Variants in RHOJ observed in about 807,000 individuals in gnomAD.
RHOJ encodes the protein rho-related GTP-binding protein RhoJ.
RHOJ carries 11 observed loss-of-function variants against 23.4 expected under a neutral mutation model. The ratio of observed to expected loss-of-function variants is 0.47; its 90% CI spans 0.30 to 0.78. RHOJ has a LOEUF of 0.78. Among genes scored for constraint, RHOJ ranks in the 30% least tolerant of loss-of-function variants. The pLI is 0.08. For missense variants in RHOJ, 254 were observed against 273.4 expected (o/e 0.93, Z 0.50); for synonymous variants, 102 against 102.7 (o/e 0.99, Z 0.04).
rs1262802663 is a variant in RHOJ at position 63,290,889 on chromosome 14, G to C, written c.510G>C (p.Gln170His). ...GVKLAKAIGAQCYLECSALTQ... is the reference protein window; with the variant it reads ...GVKLAKAIGAHCYLECSALTQ... ...CTTTTGTGTTTAAGATCGGAGCACAGTGCTACTTGGAATGTTCAGCTCTGA... is the reference window on the plus strand; with the variant it reads ...CTTTTGTGTTTAAGATCGGAGCACACTGCTACTTGGAATGTTCAGCTCTGA... The change falls in exon 5 of 5, where the codon CAG becomes CAC. Residue 170 changes from glutamine (Q) to histidine (H), a missense_variant. By Grantham distance (24) the Gln-to-His change is conservative (BLOSUM62 0). Coordinates refer to ENST00000316754, the MANE Select transcript of RHOJ (RefSeq NM_020663.5). 1 of 1,612,866 alleles carries C rather than the reference G, an allele frequency of 6.2e-7. No homozygotes were observed. The highest frequency in any genetic ancestry group is 8.5e-7 in the Non-Finnish European group (1 of 1,179,560).
chr14:63,207,714 G>A (rs954187031), intron 1 of RHOJ, among the ~76,000 whole-genome samples: 6 of 152,172 alleles, frequency 3.9e-5, no homozygotes, highest in East Asian at 3.9e-4. Flanking sequence ...CAGACAGCCC[G>A]GTTCTAATAC....
chr14:63,251,688 G>A (rs191536579), intron 1 of RHOJ, among the ~76,000 whole-genome samples: 1 of 152,236 alleles, frequency 6.6e-6, no homozygotes, highest in Non-Finnish European at 1.5e-5. Flanking sequence ...TACGTCAAGG[G>A]AAAGGAGGTC....
At chr14:63,290,160 T>C (rs893077105) in intron 4 of RHOJ, among the ~76,000 whole-genome samples, 1 of 152,160 alleles carries the variant, frequency 6.6e-6, no homozygotes, top group African/African-American at 2.4e-5. Flanking sequence ...GGAGAATCAC[T>C]TGAGCCCAGG....
chr14:63,277,223 T>C (rs1259840076), intron 2 of RHOJ, among the ~76,000 whole-genome samples: 2 of 152,202 alleles, frequency 1.3e-5, no homozygotes, highest in Admixed American at 1.3e-4. Context: ...TCCTCTTCTA[T>C]GAAATGTGAA....
At chr14:63,228,681 C>T (rs1894638926) in intron 1 of RHOJ, among the ~76,000 whole-genome samples, 1 of 151,054 alleles carries the variant, frequency 6.6e-6, no homozygotes, top group Non-Finnish European at 1.5e-5. Flanking sequence ...TGCACACACA[C>T]TTTAAAAATC....
At chr14:63,274,668 C>T (rs550553209) in intron 2 of RHOJ, among the ~76,000 whole-genome samples, 7 of 152,188 alleles carry the variant, frequency 4.6e-5, no homozygotes, top group African/African-American at 7.2e-5. Flanking sequence ...CAAATATTAA[C>T]GTATTTTATT....
At chr14:63,236,754 C>T (rs1894797160) in intron 1 of RHOJ, among the ~76,000 whole-genome samples, 1 of 149,182 alleles carries the variant, frequency 6.7e-6, no homozygotes, top group Non-Finnish European at 1.5e-5. Context: ...TTGAAACACA[C>T]ACACACACAC....
At chr14:63,277,642 T>C (rs928820044) in intron 2 of RHOJ, among the ~76,000 whole-genome samples, 1 of 152,200 alleles carries the variant, frequency 6.6e-6, no homozygotes, top group Non-Finnish European at 1.5e-5. Flanking sequence ...TAGCATTTAT[T>C]GAATATTTAC....
chr14:63,225,409 T>C (rs1427151070), intron 1 of RHOJ, among the ~76,000 whole-genome samples: 4 of 152,166 alleles, frequency 2.6e-5, no homozygotes, highest in Non-Finnish European at 5.9e-5. Flanking sequence ...CTCATCCCTA[T>C]TCCCATAAAC....
At chr14:63,205,264 G>C (rs1194235461) in intron 1 of RHOJ, among the ~76,000 whole-genome samples, 1 of 152,160 alleles carries the variant, frequency 6.6e-6, no homozygotes, top group Non-Finnish European at 1.5e-5. Context: ...TAAAACGAAT[G>C]GCAACGCCAG....
chr14:63,251,985 G>T (rs954666456), intron 1 of RHOJ, among the ~76,000 whole-genome samples: 2 of 152,010 alleles, frequency 1.3e-5, no homozygotes, highest in Admixed American at 1.3e-4. Flanking sequence ...GCCGGGCTTG[G>T]TGGTGCACGA....
rs561185714 is a variant in RHOJ, at chr14:63,283,122, T to C, written c.404T>C (p.Ile135Thr). 4.3e-6 allele frequency: 7 copies of C among 1,612,994 alleles called. 1 individual carries two copies. The South Asian group carries it at 4.4e-5, about 10-fold the overall frequency. The change falls in exon 4 of 5, where the codon ATT becomes ACT. Residue 135 changes from isoleucine (I) to threonine (T), a missense_variant and splice_region_variant. Transcript: ENST00000316754. ...TTTTCACGTGTGTTTTCTTGCCAGATTGATCTCCGTGATGACCCAAAAACC... is the reference window on the plus strand; with the variant it reads ...TTTTCACGTGTGTTTTCTTGCCAGACTGATCTCCGTGATGACCCAAAAACC... ...HVPYVLIGTQ[I>T]DLRDDPKTLA...
chr14:63,214,668 T>C (rs1046493541), intron 1 of RHOJ, among the ~76,000 whole-genome samples: 3 of 151,830 alleles, frequency 2.0e-5, no homozygotes, highest in East Asian at 1.9e-4. Context: ...ACAGAAAGAA[T>C]TGGGAGAGGG....
intron 1 of RHOJ, among the ~76,000 whole-genome samples, chr14:63,259,576 C>T (rs1317083833): frequency 6.6e-6 from 1 of 152,138 alleles, no homozygotes; most frequent in Non-Finnish European, 1.5e-5. Flanking sequence ...AGACTTCTTA[C>T]CTTATACAAA....
chr14:63,266,957 C>T (rs28676391), intron 1 of RHOJ, among the ~76,000 whole-genome samples: 8,925 of 152,128 alleles, frequency 0.059, 338 homozygotes, highest in African/African-American at 0.063. Context: ...GTGCCCCTGC[C>T]GCAAGCCCCC....
At chr14:63,288,492 C>T (rs534945657) in intron 4 of RHOJ, among the ~76,000 whole-genome samples, 58 of 152,346 alleles carry the variant, frequency 3.8e-4, no homozygotes, top group Middle Eastern at 3.4e-3. Flanking sequence ...CAGTTGGCAA[C>T]GCTGTTGCCA....
chr14:63,235,798 C>T (rs10146151), intron 1 of RHOJ, among the ~76,000 whole-genome samples: 5,381 of 152,222 alleles, frequency 0.035, 184 homozygotes, highest in African/African-American at 0.086. Flanking sequence ...TTATTAACTC[C>T]AGAACTGTGT....
intron 4 of RHOJ, 78 bp downstream of exon 4, chr14:63,283,294 A>AAACCCAGTGTTG: frequency 8.3e-7 from 1 of 1,204,234 alleles, no homozygotes. Flanking sequence ...TGGGTGTGCA[A>AAACCCAGTGTTG]CACTGGGTTT....
chr14:63,254,709 G>C (rs1160282769), intron 1 of RHOJ, among the ~76,000 whole-genome samples: 1 of 152,116 alleles, frequency 6.6e-6, no homozygotes, highest in African/African-American at 2.4e-5. Flanking sequence ...ACCCAGAGAA[G>C]ATAAACATGT....
Sources: gnomAD v4.1 joint callset for allele counts (sites outside exome capture counted in the v4.1 genomes callset) on GRCh38, gnomAD v4.1.1 for gene constraint, MANE v1.5 for transcripts, NCBI Gene and HGNC (gene_info 2026-07-23, HGNC 2026-07-21) for gene names.